Variants in FGF12 observed in about 807,000 individuals in gnomAD.
The protein encoded by FGF12 is fibroblast growth factor 12B.
A neutral mutation model predicts 23.6 loss-of-function variants in FGF12; 14 were observed. The observed-to-expected ratio is 0.59, with a 90% CI of 0.39 to 0.93. FGF12 has a LOEUF of 0.93. Ranked by LOEUF, FGF12 falls within the 40% of genes least tolerant of loss-of-function variation. The pLI, the probability that FGF12 is intolerant of heterozygous loss-of-function variation, is 0.00. For synonymous variants in FGF12, 62 were observed against 77.3 expected, an observed-to-expected ratio of 0.80 and a Z score of 1.04; for missense variants, 175 against 217.8, an observed-to-expected ratio of 0.80 and a Z score of 1.24.
chr3:192,199,611 T>C (rs887658850), intron 4 of FGF12, among the ~76,000 whole-genome samples: 12 of 152,220 alleles, frequency 7.9e-5, no homozygotes, highest in Non-Finnish European at 1.5e-4. Flanking sequence ...GCATGAAGTT[T>C]AGGAATAAAG....
At position 192,329,455 on chromosome 3, in the gene FGF12, A is replaced by G. The variant is rs960944833; in HGVS notation, c.228+5906T>C. Among the ~76,000 whole-genome samples the G allele has an allele frequency of 2.6e-5, 4 of 152,172 alleles. No homozygotes were observed. In the South Asian group the frequency reaches 8.3e-4, roughly 32 times the overall value. Reference sequence around the variant, plus strand: ...TTATATCACTAGTGTTCTAACCACAATTTGAAAATCTAGCTTTATAATATC... The same window carrying G: ...TTATATCACTAGTGTTCTAACCACAGTTTGAAAATCTAGCTTTATAATATC... On this transcript the variant is annotated intron_variant, in intron 4 of 5. Coordinates refer to ENST00000445105, the MANE Select transcript of FGF12 (RefSeq NM_004113.6).
At chr3:192,178,970 C>T (rs1428685717) in intron 4 of FGF12, among the ~76,000 whole-genome samples, 1 of 152,170 alleles carries the variant, frequency 6.6e-6, no homozygotes, top group Non-Finnish European at 1.5e-5. Context: ...GGATATTTGG[C>T]TGTGAAGCTT....
In FGF12 at chr3:192,432,592, G is replaced by A. The variant is rs981689106; in HGVS notation, c.14-72054C>T. Among the ~76,000 whole-genome samples, 14 of 128,056 alleles carry A rather than the reference G, an allele frequency of 1.1e-4. 1 individual carries two copies. In the East Asian group the frequency reaches 1.6e-3, roughly 15 times the overall value. The allele number at this position is 128,056 out of a possible 152,430, so 84.0% of individuals were successfully genotyped here. ...AGGGCCATGGGGCAAGGTCCTGTAG[G>A]AACTGAGAGAGCATTGCTGACATCT... On this transcript the variant is annotated intron_variant, in intron 2 of 5. Transcript: ENST00000445105.
intron 3 of FGF12, among the ~76,000 whole-genome samples, chr3:192,346,973 T>G (rs1037704900): frequency 6.6e-6 from 1 of 152,078 alleles, no homozygotes; most frequent in Non-Finnish European, 1.5e-5. Flanking sequence ...GAATGCAAAC[T>G]TTAAAAATTG....
chr3:192,192,594 T>C (rs1264408251), intron 4 of FGF12, among the ~76,000 whole-genome samples: 2 of 151,544 alleles, frequency 1.3e-5, no homozygotes, highest in East Asian at 1.9e-4. Flanking sequence ...TAGTAATAAC[T>C]TTTTTCTTCT....
chr3:192,464,680 C>A (rs1298748468), intron 2 of FGF12, among the ~76,000 whole-genome samples: 1 of 152,106 alleles, frequency 6.6e-6, no homozygotes, highest in Non-Finnish European at 1.5e-5. Flanking sequence ...TGAGTAGATA[C>A]CTAGTAGCAG....
At chr3:192,724,929 T>A (rs1719161297) in intron 2 of FGF12, among the ~76,000 whole-genome samples, 1 of 152,208 alleles carries the variant, frequency 6.6e-6, no homozygotes, top group African/African-American at 2.4e-5. Flanking sequence ...TCACGCAATA[T>A]GACTCTATCT....
intron 2 of FGF12, among the ~76,000 whole-genome samples, chr3:192,383,733 G>GCTTGTTTAAAA (rs1196639364): frequency 1.3e-5 from 2 of 152,124 alleles, no homozygotes; most frequent in African/African-American, 4.8e-5. Flanking sequence ...GTTTAAACAT[G>GCTTGTTTAAAA]ATAACCACAT....
chr3:192,716,366 A>G (rs2108743393), intron 2 of FGF12, among the ~76,000 whole-genome samples: 1 of 152,358 alleles, frequency 6.6e-6, no homozygotes, highest in South Asian at 2.1e-4. Flanking sequence ...TGAAGAAATT[A>G]GACTTCATTG....
At chr3:192,507,044 A>T (rs1311813885) in intron 2 of FGF12, among the ~76,000 whole-genome samples, 1 of 151,968 alleles carries the variant, frequency 6.6e-6, no homozygotes, top group Non-Finnish European at 1.5e-5. Flanking sequence ...GGCGCCTGCC[A>T]CCACGCCCGG....
At chr3:192,378,026 T>TTTCTCTCCC in intron 2 of FGF12, among the ~76,000 whole-genome samples, 1 of 69,442 alleles carries the variant, frequency 1.4e-5, no homozygotes, top group East Asian at 3.8e-4. Flanking sequence ...TGACTCTTTC[T>TTTCTCTCCC]TTTCTTTCTT....
Position 192,714,513 on chromosome 3 carries a change from A to ATTTT in FGF12, c.13+12664_13+12667dup, listed in dbSNP as rs770781442. 2.0e-3 allele frequency among the ~76,000 whole-genome samples: 200 copies of ATTTT among 99,730 alleles called. 7 individuals are homozygous for ATTTT. Among genetic ancestry groups the ATTTT allele is most frequent in the African/African-American group, 4.8e-3 (113 of 23,676 alleles). The allele number at this position is 99,730 out of a possible 152,430, so 65.4% of individuals were successfully genotyped here. On this transcript the variant is annotated intron_variant, in intron 2 of 5. Coordinates refer to ENST00000445105, the MANE Select transcript of FGF12 (RefSeq NM_004113.6). The stretch of plus-strand genomic sequence containing the variant: ...CTTATTTATAGATCTTAAGGAAATA[A>ATTTT]TTTTTTTTTTTTTTTTTTTTTTTGA...
At chr3:192,264,603 C>T (rs968074711) in intron 4 of FGF12, among the ~76,000 whole-genome samples, 5 of 152,072 alleles carry the variant, frequency 3.3e-5, no homozygotes, top group Non-Finnish European at 2.9e-5. Context: ...TTATTACCCC[C>T]ACTTTCCAGA....
At chr3:192,587,434 AAT>A (rs1403067236) in intron 2 of FGF12, among the ~76,000 whole-genome samples, 2 of 151,946 alleles carry the variant, frequency 1.3e-5, no homozygotes, top group African/African-American at 2.4e-5. Context: ...GATATATTGT[AAT>A]ATTTTAACAA....
intron 2 of FGF12, among the ~76,000 whole-genome samples, chr3:192,421,981 A>G (rs1721544181): frequency 6.6e-6 from 1 of 152,128 alleles, no homozygotes; most frequent in Admixed American, 6.6e-5. Flanking sequence ...GATGGCCCAA[A>G]ACAACATAAA....
chr3:192,301,006 A>C (rs969745492), intron 4 of FGF12, among the ~76,000 whole-genome samples: 1 of 152,186 alleles, frequency 6.6e-6, no homozygotes, highest in African/African-American at 2.4e-5. Context: ...GCCTCAAAGG[A>C]AAAGAAAATT....
chr3:192,188,062 G>A (rs1037321756), intron 4 of FGF12, among the ~76,000 whole-genome samples: 2 of 152,276 alleles, frequency 1.3e-5, no homozygotes. Context: ...AGTTTCCTAA[G>A]GAGAGTAGTG....
chr3:192,360,641 C>A lies in FGF12; in HGVS notation c.14-103G>T. 2 of 756,562 alleles carry A rather than the reference C, an allele frequency of 2.6e-6. No individual in the cohort carries two copies. Among genetic ancestry groups the A allele is most frequent in the Non-Finnish European group, 2.3e-6 (1 of 431,328 alleles). The allele number at this position is 756,562 out of a possible 1,614,324, so 46.9% of individuals were successfully genotyped here. On this transcript the variant is annotated intron_variant, in intron 2 of 5. Transcript: ENST00000445105. This position sits in a 1 kb window ranked among gnomAD's most constrained non-coding sequence, Gnocchi z 4.3. Reference sequence around the variant, plus strand: ...TAAGTAAATACGTAAATGCCAATAGCTTAAATATTGAATTATGTATTTGGG... The same window carrying A: ...TAAGTAAATACGTAAATGCCAATAGATTAAATATTGAATTATGTATTTGGG...
At chr3:192,529,465 G>A (rs1429619592) in intron 2 of FGF12, among the ~76,000 whole-genome samples, 1 of 152,112 alleles carries the variant, frequency 6.6e-6, no homozygotes, top group African/African-American at 2.4e-5. Flanking sequence ...ACATTTTCCT[G>A]TCTTCTTCTG....
Sources: gnomAD v4.1 joint callset for allele counts (sites outside exome capture counted in the v4.1 genomes callset) on GRCh38, gnomAD v4.1.1 for gene constraint, Gnocchi (gnomAD v3.1) non-coding constraint, MANE v1.5 for transcripts, NCBI Gene and HGNC (gene_info 2026-07-23, HGNC 2026-07-21) for gene names.